NRDE2: variants seen among roughly 807,000 people sequenced by gnomAD.
NRDE2 encodes the protein nuclear exosome regulator NRDE2.
A neutral mutation model predicts 124.2 loss-of-function variants in NRDE2; 76 were observed. The observed-to-expected ratio is 0.61, with a 90% CI of 0.51 to 0.74. The LOEUF (loss-of-function observed/expected upper bound fraction) is 0.74, where lower values mean the gene tolerates loss of function less well. Ranked by LOEUF, NRDE2 falls within the 30% of genes least tolerant of loss-of-function variation. The pLI, the probability that NRDE2 is intolerant of heterozygous loss-of-function variation, is 0.00. For missense variants in NRDE2, 1,314 were observed against 1,417.3 expected (o/e 0.93, Z 1.17); for synonymous variants, 489 against 528.1 (o/e 0.93, Z 1.01).
Position 90,304,026 on chromosome 14 carries a change from G to A in NRDE2, c.914C>T (p.Ala305Val), listed in dbSNP as rs751293851. The A allele has an allele frequency of 9.9e-6, 16 of 1,613,886 alleles. No homozygotes were observed. Among genetic ancestry groups the A allele is most frequent in the Admixed American group, 8.3e-5 (5 of 60,002 alleles). The change falls in exon 5 of 14, where the codon GCG becomes GTG. Residue 305 changes from alanine (A) to valine (V), a missense_variant. Physicochemically the swap from Ala to Val is moderately conservative, Grantham distance 64 (BLOSUM62 0). Transcript: ENST00000354366. The stretch of plus-strand genomic sequence containing the variant: ...CTCCTCCACCTTGGCCTTGAGAGCC[G>A]CACTCTCGCTGTCTGGCTGTGCGTC... ...QPDAQPDSESAALKAKVEEFN... is the reference protein window; with the variant it reads ...QPDAQPDSESVALKAKVEEFN...
At chr14:90,279,829 G>T (rs1427853538) in intron 12 of NRDE2, 1 of 152,274 alleles carries the variant, frequency 6.6e-6, no homozygotes, top group Non-Finnish European at 1.5e-5. Flanking sequence ...AGCTCCACAG[G>T]TAGCTGTGCA....
At chr14:90,319,491 C>T (rs577222080) in intron 1 of NRDE2, among the ~76,000 whole-genome samples, 210 of 152,294 alleles carry the variant, frequency 1.4e-3, no homozygotes, top group African/African-American at 5.0e-3. Flanking sequence ...CACCCACCTC[C>T]TGTTTCCCTG....
chr14:90,301,177 T>G, intron 7 of NRDE2, 62 bp downstream of exon 7: 1 of 1,556,000 alleles, frequency 6.4e-7, no homozygotes, highest in Non-Finnish European at 8.8e-7. Flanking sequence ...ATCCACACCT[T>G]CCCCCTCTCC....
chr14:90,279,215 C>A, intron 12 of NRDE2, 82 bp from the exon 13 acceptor site: 1 of 1,069,030 alleles, frequency 9.4e-7, no homozygotes, highest in South Asian at 1.3e-5. Context: ...GGATGACGGG[C>A]ACAAGCCCTC....
Position 90,268,376 on chromosome 14 carries a change from G to C in NRDE2, c.*9960C>G. The C allele has an allele frequency of 6.2e-7, 1 of 1,613,078 alleles. No homozygotes were observed. The highest frequency in any genetic ancestry group is 8.5e-7 in the Non-Finnish European group (1 of 1,179,710). On this transcript the variant is annotated 3_prime_UTR_variant, in exon 14 of 14. Coordinates refer to ENST00000354366, the MANE Select transcript of NRDE2 (RefSeq NM_017970.4). ...TGCTGAAGAACATGCACCGTCCATC[G>C]TGTTTATTGATGAAATTGACGCCAT...
intron 4 of NRDE2, among the ~76,000 whole-genome samples, chr14:90,305,348 T>C (rs140834510): frequency 5.3e-5 from 8 of 152,358 alleles, no homozygotes; most frequent in African/African-American, 1.9e-4. Flanking sequence ...TATAATCACT[T>C]TGGGAAAAGA....
At chr14:90,289,268 G>A in intron 10 of NRDE2, 123 bp from the exon 11 acceptor site, 2 of 754,630 alleles carry the variant, frequency 2.7e-6, no homozygotes, top group South Asian at 1.9e-5. Context: ...TCACGGGTCT[G>A]GTAAACACTG....
chr14:90,327,893 C>T (rs568151255), intron 1 of NRDE2, among the ~76,000 whole-genome samples: 23 of 152,058 alleles, frequency 1.5e-4, no homozygotes, highest in African/African-American at 5.3e-4. Context: ...CCTGTAATCC[C>T]AGCACTTTGG....
At chr14:90,318,237 A>G in intron 1 of NRDE2, 124 bp from the exon 2 acceptor site, 1 of 701,086 alleles carries the variant, frequency 1.4e-6, no homozygotes, top group Non-Finnish European at 2.4e-6. Context: ...CGTTTTGAAC[A>G]GTCAGTCCAA....
At chr14:90,278,689 A>C in intron 13 of NRDE2, 2 of 562,732 alleles carry the variant, frequency 3.6e-6, no homozygotes, top group Non-Finnish European at 6.3e-6. Flanking sequence ...TTCTCTTTTA[A>C]AAGGGGTCCA....
At chr14:90,322,821 A>G (rs1039761781) in intron 1 of NRDE2, among the ~76,000 whole-genome samples, 4 of 152,244 alleles carry the variant, frequency 2.6e-5, no homozygotes, top group Admixed American at 2.6e-4. Flanking sequence ...ATGCTTTATT[A>G]ATCAGACTGC....
chr14:90,274,838 A>ACACACACACACACACACACCCC lies in NRDE2; in HGVS notation c.*3497_*3498insGGGGTGTGTGTGTGTGTGTGTG, dbSNP rs1491397403. On this transcript the variant is annotated 3_prime_UTR_variant, in exon 14 of 14. Coordinates refer to ENST00000354366, the MANE Select transcript of NRDE2 (RefSeq NM_017970.4). ...CACACACACACACACACACACACAC[A>ACACACACACACACACACACCCC]CCCCAATACATATGAATTGATCTGA... 1 of 67,186 alleles carries ACACACACACACACACACACCCC rather than the reference A, an allele frequency of 1.5e-5. No individual in the cohort carries two copies. The highest frequency in any genetic ancestry group is 1.6e-4 in the Admixed American group (1 of 6,232). The allele number at this position is 67,186 out of a possible 1,614,324, so 4.2% of individuals were successfully genotyped here. A position where few individuals can be genotyped will look rare whatever the true frequency, so the allele number is the denominator to read the frequency against.
chr14:90,308,853 A>G (rs1884714819), intron 4 of NRDE2, among the ~76,000 whole-genome samples: 1 of 152,166 alleles, frequency 6.6e-6, no homozygotes, highest in Non-Finnish European at 1.5e-5. Flanking sequence ...CCAGGGAACA[A>G]AAATGTCAAC....
At chr14:90,330,934 T>C (rs1885669764) in intron 1 of NRDE2, among the ~76,000 whole-genome samples, 1 of 151,900 alleles carries the variant, frequency 6.6e-6, no homozygotes, top group Admixed American at 6.6e-5. Context: ...ATTACTTTTT[T>C]TTCTTTTTTT....
rs1708143527 is a variant in NRDE2, at chr14:90,271,763, T to G, written c.*6573A>C. ...TTGGGTCAGTCTTAGTTACAGTAAC[T>G]CCCAGTTTAAGCCACTTCACATCCT... On this transcript the variant is annotated 3_prime_UTR_variant, in exon 14 of 14. Transcript: ENST00000354366. 1 of 152,688 alleles carries G rather than the reference T, an allele frequency of 6.5e-6. No individual in the cohort carries two copies. The highest frequency in any genetic ancestry group is 2.4e-5 in the African/African-American group (1 of 41,414). 9.5% of individuals were successfully genotyped at this position (152,688 alleles called of 1,614,324 possible).
At chr14:90,317,708 A>C in intron 2 of NRDE2, 1 of 233,062 alleles carries the variant, frequency 4.3e-6, no homozygotes, top group Non-Finnish European at 8.2e-6. Flanking sequence ...AAATACCTGA[A>C]TTATGATGTT....
chr14:90,305,228 C>T (rs1884555307), intron 4 of NRDE2, among the ~76,000 whole-genome samples: 1 of 151,892 alleles, frequency 6.6e-6, no homozygotes, highest in Admixed American at 6.6e-5. Context: ...GTACCCCACA[C>T]ACCAACTAGA....
chr14:90,288,587 C>A lies in NRDE2; in HGVS notation c.2788G>T (p.Val930Leu), dbSNP rs770150434. The A allele has an allele frequency of 1.9e-6, 3 of 1,614,220 alleles. No homozygotes were observed. Among genetic ancestry groups the A allele is most frequent in the East Asian group, 2.2e-5 (1 of 44,886 alleles). ...IDAAVQIYEQ[V>L]FAKLNSSVFP... ...ACAGAACTGTTCAGTTTTGCAAACA[C>A]CTGTTCGTATATCTGCACAGCAGCA... The change falls in exon 11 of 14, where the codon GTG becomes TTG. Residue 930 changes from valine (V) to leucine (L), a missense_variant. Val to Leu is a conservative substitution (Grantham distance 32). Transcript: ENST00000354366.
intron 7 of NRDE2, among the ~76,000 whole-genome samples, chr14:90,299,019 G>C (rs1169784936): frequency 6.6e-6 from 1 of 152,122 alleles, no homozygotes; most frequent in Non-Finnish European, 1.5e-5. Context: ...AACAAGGCAG[G>C]CGACCAGGGA....
Sources: allele counts gnomAD v4.1 joint callset (sites outside exome capture counted in the v4.1 genomes callset), GRCh38; gene constraint gnomAD v4.1.1; transcripts MANE v1.5; gene names NCBI Gene and HGNC (gene_info 2026-07-23, HGNC 2026-07-21).